The following CDC42BPA variants were observed in gnomAD, a reference collection of about 807,000 sequenced individuals.
CDC42BPA encodes the protein CDC42 binding protein kinase alpha, also known as serine/threonine-protein kinase MRCK alpha.
Under a neutral mutation model 223.5 loss-of-function variants are expected in CDC42BPA, and 80 were observed. The ratio of observed to expected loss-of-function variants is 0.36; its 90% CI spans 0.30 to 0.43. The LOEUF is 0.43. CDC42BPA is among the 20% of genes least tolerant of loss of function. The pLI, the probability that CDC42BPA is intolerant of heterozygous loss-of-function variation, is 1.00. For missense variants in CDC42BPA, 1,743 were observed against 2,099.9 expected (o/e 0.83, Z 3.32); for synonymous variants, 694 against 718.6 (o/e 0.97, Z 0.55).
chr1:227,212,660 AT>A (rs1158623960), intron 3 of CDC42BPA, among the ~76,000 whole-genome samples: 1 of 152,166 alleles, frequency 6.6e-6, no homozygotes, highest in Non-Finnish European at 1.5e-5. Flanking sequence ...CAGTTCTTCC[AT>A]TACTAGATTT....
At chr1:227,052,947 C>T (rs1673841798) in intron 21 of CDC42BPA, among the ~76,000 whole-genome samples, 1 of 152,056 alleles carries the variant, frequency 6.6e-6, no homozygotes. Context: ...AATACAATGC[C>T]CTTGTACTCA....
rs758131715 is a variant in CDC42BPA at position 227,033,399 on chromosome 1, C to T, written c.3493G>A (p.Val1165Met). Residue 1165 changes from valine (V) to methionine (M), a missense_variant, in exon 27 of 37, where the codon GTG (valine) becomes ATG (methionine). Physicochemically the swap from Val to Met is conservative, Grantham distance 21 (BLOSUM62 1). This residue lies in a region of CDC42BPA where 678 missense variants were observed against 777.5 expected (regional missense o/e 0.87). Transcript: ENST00000366766. ...VIDMRDEEFS[V>M]SSVLASDVIH... ...ACATCAGAAGCCAAGACTGAACTCA[C>T]AGAAAATTCTTCATCCCTGAACGAA... is the stretch of plus-strand genomic sequence containing the variant. The T allele has an allele frequency of 6.2e-7, 1 of 1,613,214 alleles. No individual in the cohort carries two copies. Among genetic ancestry groups the T allele is most frequent in the South Asian group, 1.1e-5 (1 of 91,054 alleles).
chr1:227,158,054 T>C (rs1331624370), intron 6 of CDC42BPA, among the ~76,000 whole-genome samples: 1 of 151,560 alleles, frequency 6.6e-6, no homozygotes, highest in Non-Finnish European at 1.5e-5. Context: ...ACCTCCTGGG[T>C]TCAAGCGATT....
At chr1:227,107,628 A>G (rs143257278) in intron 14 of CDC42BPA, among the ~76,000 whole-genome samples, 33 of 152,280 alleles carry the variant, frequency 2.2e-4, no homozygotes, top group Non-Finnish European at 4.1e-4. Flanking sequence ...GTTTGGTTCA[A>G]TTCAGCAGTG....
At chr1:227,050,710 A>G (rs989881861) in intron 22 of CDC42BPA, among the ~76,000 whole-genome samples, 2 of 152,208 alleles carry the variant, frequency 1.3e-5, no homozygotes, top group African/African-American at 4.8e-5. Flanking sequence ...TGTAAATTAT[A>G]AACACATAAT....
intron 1 of CDC42BPA, among the ~76,000 whole-genome samples, chr1:227,267,743 G>T (rs993732655): frequency 2.6e-5 from 4 of 152,164 alleles, no homozygotes; most frequent in African/African-American, 9.7e-5. Flanking sequence ...GCAAGCAAGG[G>T]CAATGCCACT....
chr1:227,147,725 C>T (rs896336048), intron 6 of CDC42BPA, among the ~76,000 whole-genome samples, 166 bp from the exon 7 acceptor site: 1 of 152,086 alleles, frequency 6.6e-6, no homozygotes, highest in Non-Finnish European at 1.5e-5. Flanking sequence ...ATTATCCCCA[C>T]ATTAATAGTT....
chr1:227,283,079 C>T (rs1688255345), intron 1 of CDC42BPA, among the ~76,000 whole-genome samples: 1 of 151,976 alleles, frequency 6.6e-6, no homozygotes, highest in South Asian at 2.1e-4. Context: ...AAATTCTACC[C>T]ATTGACTTAA....
chr1:227,033,265 T>C, intron 27 of CDC42BPA, 69 bp downstream of exon 27: 1 of 966,460 alleles, frequency 1.0e-6, no homozygotes. Flanking sequence ...TTATGATTTA[T>C]ATAGGGAGGC....
chr1:227,196,283 T>C (rs1187545732), intron 4 of CDC42BPA, among the ~76,000 whole-genome samples: 1 of 151,376 alleles, frequency 6.6e-6, no homozygotes, highest in African/African-American at 2.4e-5. Context: ...AGTCAATCTT[T>C]AGAGCCTCAC....
At chr1:227,162,484 A>T (rs1428345867) in intron 5 of CDC42BPA, among the ~76,000 whole-genome samples, 4 of 152,200 alleles carry the variant, frequency 2.6e-5, no homozygotes, top group Non-Finnish European at 4.4e-5. Context: ...TATAAATGAC[A>T]CCAAACTGTG....
At chr1:227,115,872 G>GA (rs201721780) in intron 12 of CDC42BPA, among the ~76,000 whole-genome samples, 30,100 of 144,562 alleles carry the variant, frequency 0.21, 3,114 homozygotes, top group East Asian at 0.26. Context: ...AAGAAAAGAG[G>GA]AAAAAAAAAA....
At chr1:227,101,328 T>C (rs1685021205) in intron 14 of CDC42BPA, 89 bp from the exon 15 acceptor site, 2 of 744,622 alleles carry the variant, frequency 2.7e-6, no homozygotes, top group South Asian at 3.0e-5. Flanking sequence ...TGAGTATTCA[T>C]ATAACTGCAT....
intron 1 of CDC42BPA, among the ~76,000 whole-genome samples, chr1:227,271,270 A>C (rs1259074582): frequency 6.6e-6 from 1 of 152,204 alleles, no homozygotes; most frequent in Non-Finnish European, 1.5e-5. Context: ...AGCTAATGAC[A>C]CAGCTAAAGA....
At chr1:227,231,444 T>C (rs529675997) in intron 2 of CDC42BPA, among the ~76,000 whole-genome samples, 1 of 152,116 alleles carries the variant, frequency 6.6e-6, no homozygotes, top group Non-Finnish European at 1.5e-5. Flanking sequence ...AATAAACATA[T>C]GTGTGCATGT....
intron 2 of CDC42BPA, among the ~76,000 whole-genome samples, chr1:227,230,470 T>G (rs1677643711): frequency 6.6e-6 from 1 of 152,344 alleles, no homozygotes; most frequent in Admixed American, 6.5e-5. Flanking sequence ...ATAGGGTGTA[T>G]CTGGTTTTCA....
Position 227,176,955 on chromosome 1 carries a change from G to A in CDC42BPA, c.600-16319C>T, listed in dbSNP as rs568516315. On this transcript the variant is annotated intron_variant, in intron 5 of 36. Transcript: ENST00000366766. ...AGTTTTCTCTCCCCTCTAATCCACTGGCTCTTTATGCCCCCTACTTTTTTT... is the reference window on the plus strand; with the variant it reads ...AGTTTTCTCTCCCCTCTAATCCACTAGCTCTTTATGCCCCCTACTTTTTTT... 2.0e-5 allele frequency among the ~76,000 whole-genome samples: 3 copies of A among 150,638 alleles called. No individual in the cohort carries two copies. In the East Asian group the frequency reaches 5.8e-4, roughly 29 times the overall value.
rs531685139 is a variant in CDC42BPA at position 227,228,028 on chromosome 1, C to T, written c.271-14809G>A. On this transcript the variant is annotated intron_variant, in intron 2 of 36. Transcript: ENST00000366766. ...GCTAACAGGAACAGAAAACCAAACA[C>T]TGCATGTTCTCACTTATAAGTGGGA... 5.3e-5 allele frequency among the ~76,000 whole-genome samples: 8 copies of T among 152,132 alleles called. No individual in the cohort carries two copies. In the East Asian group the frequency reaches 1.5e-3, roughly 29 times the overall value.
chr1:227,056,174 T>C (rs570090273), intron 21 of CDC42BPA, among the ~76,000 whole-genome samples: 2 of 152,286 alleles, frequency 1.3e-5, no homozygotes, highest in Admixed American at 6.5e-5. Context: ...ATCTTGAATA[T>C]GTATCAACAG....
Sources: allele counts gnomAD v4.1 joint callset (sites outside exome capture counted in the v4.1 genomes callset), GRCh38; gene constraint gnomAD v4.1.1; regional missense constraint gnomAD v4.1.1; transcripts MANE v1.5; gene names NCBI Gene and HGNC (gene_info 2026-07-23, HGNC 2026-07-21).